Variants in KCNK9 observed in about 807,000 individuals in gnomAD.
KCNK9 encodes the protein potassium two pore domain channel subfamily K member 9.
In KCNK9, 1 loss-of-function variant was observed where a neutral mutation model predicts 10.8. The ratio of observed to expected loss-of-function variants is 0.09; its 90% CI spans 0.03 to 0.44. The LOEUF (loss-of-function observed/expected upper bound fraction) is 0.44, where lower values mean the gene tolerates loss of function less well. Ranked by LOEUF, KCNK9 falls within the 20% of genes least tolerant of loss-of-function variation. The probability of loss-of-function intolerance (pLI) is 0.97; values close to 1 mark genes in which losing one functional copy is unlikely to be tolerated. For synonymous variants in KCNK9, 231 were observed against 222.7 expected (o/e 1.04, Z -0.33); for missense variants, 303 against 515.0 (o/e 0.59, Z 3.98).
intron 1 of KCNK9, among the ~76,000 whole-genome samples, chr8:139,670,731 A>C (rs1000708563): frequency 4.6e-5 from 7 of 152,256 alleles, no homozygotes; most frequent in Admixed American, 2.0e-4. Flanking sequence ...GCAGGAGATC[A>C]GATCTTTTTT....
Position 139,699,791 on chromosome 8 carries a change from G to A in KCNK9, c.283+2919C>T, listed in dbSNP as rs533209109. Reference sequence around the variant, plus strand: ...TCAACGCAAAGTGGTAATTACATACGTTTTAAAAATCCATTTCACAGGGCA... The same window carrying A: ...TCAACGCAAAGTGGTAATTACATACATTTTAAAAATCCATTTCACAGGGCA... On this transcript the variant is annotated intron_variant, in intron 1 of 1. Transcript: ENST00000520439. 1.6e-4 allele frequency among the ~76,000 whole-genome samples: 24 copies of A among 152,286 alleles called. No individual in the cohort carries two copies. The South Asian group carries it at 4.4e-3, about 28-fold the overall frequency.
intron 1 of KCNK9, among the ~76,000 whole-genome samples, chr8:139,674,194 G>C (rs1383559699): frequency 6.6e-6 from 1 of 152,194 alleles, no homozygotes; most frequent in East Asian, 1.9e-4. Context: ...GCTTAGATGA[G>C]GTCATGAAGG....
intron 1 of KCNK9, among the ~76,000 whole-genome samples, chr8:139,629,082 C>T (rs551640102): frequency 6.6e-6 from 1 of 152,388 alleles, no homozygotes; most frequent in Non-Finnish European, 1.5e-5. Flanking sequence ...AGTCCCTTCT[C>T]ATTATGAGGA....
At chr8:139,645,063 G>A (rs1182851356) in intron 1 of KCNK9, among the ~76,000 whole-genome samples, 3 of 152,178 alleles carry the variant, frequency 2.0e-5, no homozygotes, top group African/African-American at 4.8e-5. Flanking sequence ...CTTCCCTCCC[G>A]CACCGTGTAG....
intron 1 of KCNK9, among the ~76,000 whole-genome samples, chr8:139,682,103 C>T (rs935114375): frequency 6.6e-6 from 1 of 152,216 alleles, no homozygotes; most frequent in Non-Finnish European, 1.5e-5. Context: ...CGAAAGAAGC[C>T]CTCCGAATGG....
At chr8:139,609,347 GC>G (rs1350050347), downstream of KCNK9, among the ~76,000 whole-genome samples, 1 of 150,756 alleles carries the variant, frequency 6.6e-6, no homozygotes, top group Non-Finnish European at 1.5e-5. Context: ...AGAGGTTTGG[GC>G]CCCAGCTGAG....
intron 1 of KCNK9, among the ~76,000 whole-genome samples, chr8:139,699,334 C>A (rs1323941931): frequency 6.6e-6 from 1 of 152,020 alleles, no homozygotes; most frequent in Non-Finnish European, 1.5e-5. Flanking sequence ...CCAAGCAGGC[C>A]AAATCCAAAT....
At chr8:139,643,702 C>A (rs1364746581) in intron 1 of KCNK9, among the ~76,000 whole-genome samples, 1 of 152,198 alleles carries the variant, frequency 6.6e-6, no homozygotes, top group East Asian at 1.9e-4. Flanking sequence ...GCCCCCACCC[C>A]ACCCCTGAGA....
In KCNK9 at chr8:139,618,097, G is replaced by A. The variant is rs1438062020; in HGVS notation, c.*161C>T. 1.0e-6 allele frequency: 1 copy of A among 996,124 alleles called. No individual in the cohort carries two copies. Among genetic ancestry groups the A allele is most frequent in the African/African-American group, 1.6e-5 (1 of 61,342 alleles). The allele number at this position is 996,124 out of a possible 1,614,324, so 61.7% of individuals were successfully genotyped here. On this transcript the variant is annotated 3_prime_UTR_variant, in exon 2 of 2. Coordinates refer to ENST00000520439, the MANE Select transcript of KCNK9 (RefSeq NM_001282534.2). This position sits in a 1 kb window ranked among gnomAD's most constrained non-coding sequence, Gnocchi z 7.9. ...TGGCCTGCTCTGTCTGGCTGGAAAG[G>A]TGGGGGAAAATGAGACCAAGAGACC...
At chr8:139,624,791 G>A (rs1280058557) in intron 1 of KCNK9, among the ~76,000 whole-genome samples, 2 of 152,196 alleles carry the variant, frequency 1.3e-5, no homozygotes, top group East Asian at 1.9e-4. Flanking sequence ...ACTGACACCC[G>A]GGGGCCGGTG....
At chr8:139,656,680 T>C (rs1469491808) in intron 1 of KCNK9, among the ~76,000 whole-genome samples, 1 of 152,206 alleles carries the variant, frequency 6.6e-6, no homozygotes, top group Non-Finnish European at 1.5e-5. Flanking sequence ...GTGCCCTATC[T>C]ATACCACAAA....
At position 139,661,290 on chromosome 8, in the gene KCNK9, G is replaced by A. The variant is rs542723339; in HGVS notation, c.283+41420C>T. ...ACCCACACAGAGCTTACATCCCAGT[G>A]TGGGGATCCCCCCACCCCAACTCAG... On this transcript the variant is annotated intron_variant, in intron 1 of 1. Transcript: ENST00000520439. Among the ~76,000 whole-genome samples, 16 of 152,306 alleles carry A rather than the reference G, an allele frequency of 1.1e-4. No individual in the cohort carries two copies. The South Asian group carries it at 3.1e-3, about 30-fold the overall frequency.
downstream of KCNK9, among the ~76,000 whole-genome samples, chr8:139,609,192 C>T (rs1261402577): frequency 2.2e-5 from 3 of 137,378 alleles, no homozygotes; most frequent in South Asian, 2.4e-4. Flanking sequence ...CCAGCTCTGC[C>T]GCTTTTCTGA....
At chr8:139,610,838 C>T (rs944971875), downstream of KCNK9, among the ~76,000 whole-genome samples, 2 of 152,180 alleles carry the variant, frequency 1.3e-5, no homozygotes, top group African/African-American at 4.8e-5. Flanking sequence ...ATGTGGCCAG[C>T]TTGTGGAGGG....
intron 1 of KCNK9, among the ~76,000 whole-genome samples, chr8:139,683,474 G>C (rs1402566255): frequency 6.6e-6 from 1 of 152,230 alleles, no homozygotes; most frequent in Non-Finnish European, 1.5e-5. Flanking sequence ...GCAGCTGGTG[G>C]CCTCTGCCTT....
downstream of KCNK9, among the ~76,000 whole-genome samples, chr8:139,609,072 T>G: frequency 6.7e-6 from 1 of 150,104 alleles, no homozygotes; most frequent in African/African-American, 2.5e-5. Flanking sequence ...CCTATCTATG[T>G]CCCTTCCTCA....
At chr8:139,653,086 G>T (rs1815916976) in intron 1 of KCNK9, among the ~76,000 whole-genome samples, 2 of 152,182 alleles carry the variant, frequency 1.3e-5, no homozygotes, top group Non-Finnish European at 2.9e-5. Flanking sequence ...CCAGGCTGTG[G>T]ATTTGACAGG....
At chr8:139,677,645 AC>A (rs1816580444) in intron 1 of KCNK9, among the ~76,000 whole-genome samples, 1 of 33,808 alleles carries the variant, frequency 3.0e-5, no homozygotes, top group Non-Finnish European at 7.4e-5. Flanking sequence ...GCCCAACAAG[AC>A]CCCAGGGCTG....
At chr8:139,683,841 C>T (rs1354322349) in intron 1 of KCNK9, among the ~76,000 whole-genome samples, 1 of 152,222 alleles carries the variant, frequency 6.6e-6, no homozygotes, top group Non-Finnish European at 1.5e-5. Context: ...CAGTCATCTG[C>T]CAATGATGGG....
Sources: allele counts gnomAD v4.1 joint callset (sites outside exome capture counted in the v4.1 genomes callset), GRCh38; gene constraint gnomAD v4.1.1; non-coding constraint Gnocchi (gnomAD v3.1); transcripts MANE v1.5; gene names NCBI Gene and HGNC (gene_info 2026-07-23, HGNC 2026-07-21).